Variants in NIPA1 observed in about 807,000 individuals in gnomAD.
The protein encoded by NIPA1 is magnesium transporter NIPA1.
NIPA1 carries 13 observed loss-of-function variants against 23.9 expected under a neutral mutation model. The ratio of observed to expected loss-of-function variants is 0.54; its 90% CI spans 0.35 to 0.87. The LOEUF (loss-of-function observed/expected upper bound fraction) is 0.87. Ranked by LOEUF, NIPA1 falls within the 40% of genes least tolerant of loss-of-function variation. The probability of loss-of-function intolerance (pLI) is 0.01; values close to 1 mark genes in which losing one functional copy is unlikely to be tolerated. For synonymous variants in NIPA1, 234 were observed against 202.9 expected (o/e 1.15, Z -1.30); for missense variants, 362 against 429.7 (o/e 0.84, Z 1.39).
Position 22,812,469 on chromosome 15 carries a change from T to C in NIPA1, c.317+216T>C, listed in dbSNP as rs60823980. 0.064 allele frequency among the ~76,000 whole-genome samples: 9,807 copies of C among 152,098 alleles called. 874 individuals carry two copies. The highest frequency in any genetic ancestry group is 0.2 in the African/African-American group (8,310 of 41,444). On this transcript the variant is annotated intron_variant, in intron 3 of 4. Transcript: ENST00000337435. ...GAGTTCAAGACCAGCCTGGCCAACA[T>C]GGTGAAACCCTGTCTCTACTAACAA...
intron 1 of NIPA1, among the ~76,000 whole-genome samples, chr15:22,803,121 T>G (rs1895121421): frequency 2.0e-5 from 3 of 151,996 alleles, no homozygotes; most frequent in Admixed American, 6.6e-5. Flanking sequence ...CATGCCTGGC[T>G]AAGTTTTGTA....
chr15:22,788,587 C>G (rs1894761937), intron 1 of NIPA1, among the ~76,000 whole-genome samples: 1 of 151,794 alleles, frequency 6.6e-6, no homozygotes, highest in Non-Finnish European at 1.5e-5. Flanking sequence ...CAGGAGGAGC[C>G]TAAGAACACG....
intron 1 of NIPA1, among the ~76,000 whole-genome samples, chr15:22,799,868 C>G (rs1281307291): frequency 6.9e-6 from 1 of 145,040 alleles, no homozygotes; most frequent in Non-Finnish European, 1.5e-5. Context: ...GGCTTGAACC[C>G]AGGAGGTTGA....
chr15:22,816,576 C>T (rs1406231677), intron 3 of NIPA1, among the ~76,000 whole-genome samples: 10 of 144,736 alleles, frequency 6.9e-5, no homozygotes, highest in East Asian at 2.1e-4. Flanking sequence ...ACTGCAACCT[C>T]GGCCTCCTGG....
In NIPA1 at chr15:22,786,733, C is replaced by T; in HGVS notation, c.77C>T (p.Ala26Val). Residue 26 changes from alanine (A) to valine (V), a missense_variant, in exon 1 of 5, where the codon GCC (alanine) becomes GTC (valine). Around this residue, in one of 2 missense-constraint regions of NIPA1, gnomAD observed 85 missense variants for 57.7 expected, o/e 1.47. Transcript: ENST00000337435. ...AGEGARSPSPAAVSLGLGVAV... is the reference protein window; with the variant it reads ...AGEGARSPSPVAVSLGLGVAV... ...GAGGGGGCGCGTAGCCCGAGCCCCG[C>T]CGCCGTGTCGCTCGGCCTGGGCGTG... The T allele has an allele frequency of 7.9e-7, 1 of 1,261,926 alleles. No individual in the cohort carries two copies. Among genetic ancestry groups the T allele is most frequent in the South Asian group, 1.8e-5 (1 of 55,280 alleles). 78.2% of individuals were successfully genotyped at this position (1,261,926 alleles called of 1,614,324 possible). A position where few individuals can be genotyped will look rare whatever the true frequency, so the allele number is the denominator to read the frequency against.
upstream of NIPA1, chr15:22,786,601 C>G (rs940711032): frequency 1.0e-4 from 75 of 733,402 alleles, no homozygotes; most frequent in African/African-American, 7.2e-4. Flanking sequence ...CACCCCCCAT[C>G]CCGCCCCGCG....
rs767805983 is a variant in NIPA1 at position 22,820,384 on chromosome 15, G to A, written c.389G>A (p.Cys130Tyr). ...ILGKLGCLLS[C>Y]AGSVVLIIHS... is the part of the protein sequence containing the mutation. ...GGCAAGTTGGGGTGCCTGCTAAGCT[G>A]TGCAGGCTCCGTCGTGCTGATTATC... Residue 130 changes from cysteine (C) to tyrosine (Y), a missense_variant, in exon 4 of 5, where the codon TGT becomes TAT. By Grantham distance (194) the Cys-to-Tyr change is radical. This residue lies in a region of NIPA1 where 277 missense variants were observed against 372.0 expected (regional missense o/e 0.74). Transcript: ENST00000337435. 6.2e-7 allele frequency: 1 copy of A among 1,608,194 alleles called. No homozygotes were observed. The highest frequency in any genetic ancestry group is 8.5e-7 in the Non-Finnish European group (1 of 1,174,510).
chr15:22,793,460 A>G (rs1008870059), intron 1 of NIPA1, among the ~76,000 whole-genome samples: 22 of 146,110 alleles, frequency 1.5e-4, no homozygotes, highest in African/African-American at 5.5e-4. Context: ...TATTTTTTTG[A>G]GAGGGAGTCT....
chr15:22,798,875 G>A (rs115171167), intron 1 of NIPA1, among the ~76,000 whole-genome samples: 2,273 of 147,434 alleles, frequency 0.015, 20 homozygotes, highest in Middle Eastern at 0.035. Flanking sequence ...TCTTTATTGT[G>A]GTAAATATCA....
At chr15:22,802,073 T>C (rs1895094179) in intron 1 of NIPA1, among the ~76,000 whole-genome samples, 1 of 152,108 alleles carries the variant, frequency 6.6e-6, no homozygotes, top group African/African-American at 2.4e-5. Flanking sequence ...TTGTGTGGGC[T>C]AACCCAGAAA....
rs1447868853 is a variant in NIPA1 at position 22,788,903 on chromosome 15, G to A, written c.178+2069G>A. The stretch of plus-strand genomic sequence containing the variant: ...CATTGCACTCCAGCCCGAGCGAGAA[G>A]AACAAGGCTCTGTCTTAAAAAAAAA... On this transcript the variant is annotated intron_variant, in intron 1 of 4. Transcript: ENST00000337435. Among the ~76,000 whole-genome samples the A allele has an allele frequency of 9.9e-5, 7 of 70,882 alleles. No homozygotes were observed. In the South Asian group the frequency reaches 1.4e-3, roughly 14 times the overall value. The allele number at this position is 70,882 out of a possible 152,430, so 46.5% of individuals were successfully genotyped here.
intron 1 of NIPA1, among the ~76,000 whole-genome samples, chr15:22,794,098 T>G (rs1000875643): frequency 1.3e-5 from 2 of 151,946 alleles, no homozygotes; most frequent in Non-Finnish European, 2.9e-5. Context: ...CCCTGAAAAA[T>G]ATTGCTGTTA....
chr15:22,804,590 T>C (rs1345927302), intron 1 of NIPA1, among the ~76,000 whole-genome samples: 1 of 152,170 alleles, frequency 6.6e-6, no homozygotes, highest in Non-Finnish European at 1.5e-5. Flanking sequence ...CTTTAGTGTT[T>C]AGCGTTAGGT....
chr15:22,804,368 G>A lies in NIPA1; in HGVS notation c.179-6381G>A, dbSNP rs565255215. Among the ~76,000 whole-genome samples the A allele has an allele frequency of 7.6e-4, 115 of 152,086 alleles. 2 individuals carry two copies. The highest frequency in any genetic ancestry group is 2.6e-3 in the African/African-American group (109 of 41,498). ...GAACTCCTGACCTCGTGATCCACCC[G>A]CCCCGGCCTCCTAAAGTGCTAGGAT... is the stretch of plus-strand genomic sequence containing the variant. On this transcript the variant is annotated intron_variant, in intron 1 of 4. Coordinates refer to ENST00000337435, the MANE Select transcript of NIPA1 (RefSeq NM_144599.5).
At chr15:22,799,736 C>T (rs935447835) in intron 1 of NIPA1, among the ~76,000 whole-genome samples, 18 of 150,450 alleles carry the variant, frequency 1.2e-4, no homozygotes, top group East Asian at 2.0e-4. Context: ...GAGCCGAGAT[C>T]GCACCATTGC....
chr15:22,786,640 G>A, upstream of NIPA1: 3 of 993,144 alleles, frequency 3.0e-6, no homozygotes, highest in Non-Finnish European at 3.6e-6. Context: ...CAGGCTCGGA[G>A]GGCGGGCGCG....
At chr15:22,811,475 T>C (rs932515358) in intron 2 of NIPA1, among the ~76,000 whole-genome samples, 8 of 152,056 alleles carry the variant, frequency 5.3e-5, no homozygotes, top group Admixed American at 5.2e-4. Context: ...CATGGTGGGA[T>C]GCACCTGTTT....
chr15:22,820,590 G>A (rs551233462), intron 4 of NIPA1, 117 bp downstream of exon 4: 16 of 813,000 alleles, frequency 2.0e-5, no homozygotes, highest in Admixed American at 1.9e-4. Context: ...TGTCCACCCT[G>A]ATCTGTTACT....
chr15:22,800,651 G>A (rs1019009763), intron 1 of NIPA1, among the ~76,000 whole-genome samples: 19 of 151,980 alleles, frequency 1.3e-4, no homozygotes, highest in Non-Finnish European at 1.3e-4. Flanking sequence ...AATTGGCACC[G>A]GGCATCGTGG....
Sources: gnomAD v4.1 joint callset for allele counts (sites outside exome capture counted in the v4.1 genomes callset) on GRCh38, gnomAD v4.1.1 for gene constraint, gnomAD v4.1.1 regional missense constraint, MANE v1.5 for transcripts, NCBI Gene and HGNC (gene_info 2026-07-23, HGNC 2026-07-21) for gene names.